Variants in NLRP2 observed in about 807,000 individuals in gnomAD.
The protein encoded by NLRP2 is NACHT, LRR and PYD domains-containing protein 2.
In NLRP2, 107 loss-of-function variants were observed where a neutral mutation model predicts 97.2. That is an observed-to-expected ratio of 1.10 (90% CI 0.94 to 1.29). NLRP2 has a LOEUF of 1.29. Among genes scored for constraint, NLRP2 ranks in the 50% most tolerant of loss-of-function variants. The pLI is 0.00. For synonymous variants in NLRP2, 663 were observed against 551.5 expected, an observed-to-expected ratio of 1.20 and a Z score of -2.83; for missense variants, 1,495 against 1,330.3, an observed-to-expected ratio of 1.12 and a Z score of -1.93.
At position 54,984,329 on chromosome 19, in the gene NLRP2, G is replaced by GGTTTTT. The variant is rs1329961462; in HGVS notation, c.2030+601_2030+602insGTTTTT. ...AACTTAAGTGGGGGTTTTTTTTTGT[G>GGTTTTT]TTTTTTTTTTTTTTTTTTTTTTTGG... is the stretch of plus-strand genomic sequence containing the variant. On this transcript the variant is annotated intron_variant, in intron 6 of 12. Transcript: ENST00000448584. Among the ~76,000 whole-genome samples the GGTTTTT allele has an allele frequency of 5.8e-4, 46 of 79,670 alleles. 5 individuals are homozygous for GGTTTTT. The highest frequency in any genetic ancestry group is 1.6e-3 in the African/African-American group (34 of 21,638). 52.3% of individuals were successfully genotyped at this position (79,670 alleles called of 152,430 possible).
At chr19:54,994,127 C>A in intron 10 of NLRP2, 142 bp from the exon 11 acceptor site, 1 of 913,824 alleles carries the variant, frequency 1.1e-6, no homozygotes, top group East Asian at 2.5e-5. Flanking sequence ...ATTCTTCTGT[C>A]CACCACACCA....
At chr19:54,989,124 AC>A (rs1246176711) in intron 8 of NLRP2, among the ~76,000 whole-genome samples, 5 of 151,216 alleles carry the variant, frequency 3.3e-5, no homozygotes, top group African/African-American at 1.2e-4. Flanking sequence ...CGCCCATCTA[AC>A]TTTTGTATGT....
At chr19:54,974,471 C>G in intron 2 of NLRP2, 29 bp from the exon 3 acceptor site, 1 of 1,599,176 alleles carries the variant, frequency 6.3e-7, no homozygotes, top group Non-Finnish European at 8.6e-7. Flanking sequence ...TGGTAAAATG[C>G]AAAATTTTCC....
At chr19:55,000,717 C>CT (rs2073139044) in intron 12 of NLRP2, 43 bp from the exon 13 acceptor site, 1 of 1,601,162 alleles carries the variant, frequency 6.2e-7, no homozygotes, top group African/African-American at 1.5e-5. Context: ...AACAAATCTC[C>CT]TTGATGCACA....
rs1478246873 is a variant in NLRP2, at chr19:54,970,289, G to A, written c.274G>A (p.Val92Ile). 4 of 1,614,050 alleles carry A rather than the reference G, an allele frequency of 2.5e-6. No individual in the cohort carries two copies. Among genetic ancestry groups the A allele is most frequent in the Non-Finnish European group, 1.7e-6 (2 of 1,180,034 alleles). Reference protein sequence around the residue: ...MDLSERAKDEVREAALKSFNK... With the variant: ...MDLSERAKDEIREAALKSFNK... ...TCTGTCTGAGAGAGCAAAGGATGAA[G>A]TCAGAGGTGAGTGGAAATCGGTCCA... Residue 92 changes from valine to isoleucine, a missense_variant, in exon 2 of 13, where the codon GTC (valine) becomes ATC (isoleucine). Physicochemically the swap from Val to Ile is conservative, Grantham distance 29. Transcript: ENST00000448584.
At chr19:54,970,402 G>A in intron 2 of NLRP2, 107 bp downstream of exon 2, 11 of 1,374,898 alleles carry the variant, frequency 8.0e-6, no homozygotes, top group Admixed American at 1.8e-5. Flanking sequence ...TGTCGTCCCA[G>A]CCCTTTGGGA....
Position 54,970,019 on chromosome 19 carries a change from G to T in NLRP2, c.4G>T (p.Val2Leu). Residue 2 changes from valine (V) to leucine (L), a missense_variant, in exon 2 of 13, where the codon GTG (valine) becomes TTG (leucine). Physicochemically the swap from Val to Leu is conservative, Grantham distance 32. Transcript: ENST00000448584. M[V>L]SSAQMGFNLQ... ...CACAGCTCCCACGTGGGACAAGATG[G>T]TGTCTTCGGCGCAGATGGGCTTCAA... The T allele has an allele frequency of 6.2e-7, 1 of 1,613,494 alleles. No homozygotes were observed. Among genetic ancestry groups the T allele is most frequent in the South Asian group, 1.1e-5 (1 of 91,050 alleles).
chr19:54,994,530 TTA>T, intron 11 of NLRP2, 91 bp downstream of exon 11: 2 of 1,372,116 alleles, frequency 1.5e-6, no homozygotes, highest in South Asian at 2.3e-5. Flanking sequence ...ACTTCCCAAG[TTA>T]TATAATTGAG....
At chr19:54,990,233 C>T (rs1286180943) in intron 9 of NLRP2, 41 bp downstream of exon 9, 4 of 1,600,292 alleles carry the variant, frequency 2.5e-6, no homozygotes, top group African/African-American at 1.3e-5. Flanking sequence ...TGCTTTCGAT[C>T]TGGGGCCACA....
rs2071823529 is a variant in NLRP2, at chr19:54,983,710, C to T, written c.2012C>T (p.Ser671Leu). The T allele has an allele frequency of 1.2e-6, 2 of 1,612,230 alleles. No individual in the cohort carries two copies. Among genetic ancestry groups the T allele is most frequent in the African/African-American group, 1.3e-5 (1 of 74,898 alleles). ...CCGGAGAATGTCACTGCGTCTGAAT[C>T]AGACGCCGAGGTTGAGAGGTGAGAA... ...NLPENVTASE[S>L]DAEVERSQDD... The change falls in exon 6 of 13, where the codon TCA becomes TTA. Residue 671 changes from serine to leucine, a missense_variant. By Grantham distance (145) the Ser-to-Leu change is moderately radical (BLOSUM62 -2). Transcript: ENST00000448584.
rs758028313 is a variant in NLRP2 at position 54,982,346 on chromosome 19, C to A, written c.648C>A (p.Gly216=). Residue 216 remains glycine (G), a synonymous_variant, in exon 6 of 13, where the codon GGC becomes GGA. Transcript: ENST00000448584. ...CGGTGGTGCTGTATGGTCCTGCAGG[C>A]CTTGGGAAAACCACGCTGGCCCAGA... The part of the protein sequence containing the change: ...SYTVVLYGPA[G]LGKTTLAQKL... 6.2e-7 allele frequency: 1 copy of A among 1,614,064 alleles called. No individual in the cohort carries two copies. Among genetic ancestry groups the A allele is most frequent in the South Asian group, 1.1e-5 (1 of 91,074 alleles).
At chr19:54,986,426 T>A in intron 8 of NLRP2, 111 bp downstream of exon 8, 1 of 958,404 alleles carries the variant, frequency 1.0e-6, no homozygotes. Context: ...CTAGAAACAG[T>A]ACTAAGGGCA....
Position 54,985,677 on chromosome 19 carries a change from C to CAAAAAAAAAAAAAAAA in NLRP2, c.2201+466_2202-453dup, listed in dbSNP as rs113852885. ...TGAGTGACAGAGCGAGACTGCGTCT[C>CAAAAAAAAAAAAAAAA]AAAAAAAAAAAAAAAAAAAAAGAAA... On this transcript the variant is annotated intron_variant, in intron 7 of 12. Coordinates refer to ENST00000448584, the MANE Select transcript of NLRP2 (RefSeq NM_017852.5). Among the ~76,000 whole-genome samples, 10 of 67,990 alleles carry CAAAAAAAAAAAAAAAA rather than the reference C, an allele frequency of 1.5e-4. 1 individual carries two copies. Among genetic ancestry groups the CAAAAAAAAAAAAAAAA allele is most frequent in the South Asian group, 1.1e-3 (2 of 1,830 alleles). 44.6% of individuals were successfully genotyped at this position (67,990 alleles called of 152,430 possible).
chr19:54,970,840 C>CT (rs2070806104), intron 2 of NLRP2, among the ~76,000 whole-genome samples: 1 of 118,836 alleles, frequency 8.4e-6, no homozygotes, highest in Non-Finnish European at 1.8e-5. Flanking sequence ...TTTTATTATA[C>CT]TTTAAGTTTT....
chr19:54,978,039 TAGG>T (rs536178219), intron 4 of NLRP2, among the ~76,000 whole-genome samples: 62 of 152,182 alleles, frequency 4.1e-4, no homozygotes, highest in Non-Finnish European at 6.5e-4. Flanking sequence ...TGTAGAAAGT[TAGG>T]AGCACAGCGC....
intron 4 of NLRP2, among the ~76,000 whole-genome samples, chr19:54,980,886 G>T (rs2071526625): frequency 1.3e-5 from 2 of 152,154 alleles, no homozygotes; most frequent in East Asian, 3.9e-4. Context: ...GAGGTGGGTG[G>T]ATCATCTGAG....
intron 3 of NLRP2, 42 bp downstream of exon 3, chr19:54,974,586 C>G (rs1226993931): frequency 1.5e-6 from 2 of 1,347,698 alleles, no homozygotes; most frequent in Non-Finnish European, 1.1e-6. Flanking sequence ...CATGTGAGAT[C>G]TGGGGACTCG....
intron 3 of NLRP2, 45 bp downstream of exon 3, chr19:54,974,589 G>T (rs758140829): frequency 3.7e-5 from 48 of 1,310,444 alleles, no homozygotes; most frequent in Non-Finnish European, 4.8e-5. Flanking sequence ...GTGAGATCTG[G>T]GGACTCGGGC....
At chr19:54,984,948 T>A in intron 6 of NLRP2, 99 bp from the exon 7 acceptor site, 3 of 1,113,016 alleles carry the variant, frequency 2.7e-6, no homozygotes, top group African/African-American at 1.5e-5. Context: ...CAGCTTTCAA[T>A]TGTACTCATT....
Sources: gnomAD v4.1 joint callset for allele counts (sites outside exome capture counted in the v4.1 genomes callset) on GRCh38, gnomAD v4.1.1 for gene constraint, MANE v1.5 for transcripts, NCBI Gene and HGNC (gene_info 2026-07-23, HGNC 2026-07-21) for gene names.